The following ERCC8 variants were observed in gnomAD, a reference collection of about 807,000 sequenced individuals.
The protein encoded by ERCC8 is DNA excision repair protein ERCC-8.
In ERCC8, 52 loss-of-function variants were observed where a neutral mutation model predicts 54.9. The ratio of observed to expected loss-of-function variants is 0.95; its 90% CI spans 0.76 to 1.19. ERCC8 has a LOEUF of 1.19. Ranked by LOEUF, ERCC8 falls within the 50% of genes most tolerant of loss-of-function variation. ERCC8 has a pLI of 0.00. For synonymous variants in ERCC8, 146 were observed against 157.2 expected (o/e 0.93, Z 0.53); for missense variants, 514 against 466.1 (o/e 1.10, Z -0.95).
chr5:60,919,944 T>C (rs1218014077), intron 3 of ERCC8, among the ~76,000 whole-genome samples: 1 of 151,984 alleles, frequency 6.6e-6, no homozygotes, highest in East Asian at 1.9e-4. Context: ...TGCCTTTTTT[T>C]CTTGGCTGAT....
intron 6 of ERCC8, 128 bp downstream of exon 6, chr5:60,903,520 G>T (rs1380564137): frequency 1.4e-6 from 2 of 1,466,930 alleles, no homozygotes; most frequent in East Asian, 2.5e-5. Flanking sequence ...TTATTTCCCT[G>T]CTGAGTCTCA....
intron 2 of ERCC8, among the ~76,000 whole-genome samples, chr5:60,927,742 C>T (rs1749792331): frequency 6.6e-6 from 1 of 152,080 alleles, no homozygotes; most frequent in African/African-American, 2.4e-5. Context: ...AGTGAGTGCC[C>T]CCCCAGCTGT....
At chr5:60,896,293 C>T (rs1233151891) in intron 9 of ERCC8, among the ~76,000 whole-genome samples, 4 of 152,146 alleles carry the variant, frequency 2.6e-5, no homozygotes, top group African/African-American at 9.7e-5. Context: ...CTCGGCTCAC[C>T]GCAACCTCCA....
In ERCC8 at chr5:60,928,935, T is replaced by A. The variant is rs1211385267; in HGVS notation, c.102A>T (p.Lys34Asn). Residue 34 changes from lysine to asparagine, a missense_variant, in exon 2 of 12, where the codon AAA becomes AAT. Transcript: ENST00000676185. Reference sequence around the variant, plus strand: ...CGTGGATTCTTTCAACATCTCTGTCTTTATTTAATTCCAGTCCCAAAACTC... The same window carrying A: ...CGTGGATTCTTTCAACATCTCTGTCATTATTTAATTCCAGTCCCAAAACTC... Reference protein sequence around the residue: ...TRRVLGLELNKDRDVERIHGG... With the variant: ...TRRVLGLELNNDRDVERIHGG... 1 of 1,604,812 alleles carries A rather than the reference T, an allele frequency of 6.2e-7. No homozygotes were observed. Among genetic ancestry groups the A allele is most frequent in the Non-Finnish European group, 8.5e-7 (1 of 1,172,890 alleles).
At chr5:60,879,549 G>C (rs528580299) in intron 11 of ERCC8, among the ~76,000 whole-genome samples, 2 of 152,300 alleles carry the variant, frequency 1.3e-5, no homozygotes, top group South Asian at 2.1e-4. Flanking sequence ...GAATCTGGGT[G>C]CTCCTGTATT....
chr5:60,944,135 ATC>A (rs4647042), intron 1 of ERCC8, among the ~76,000 whole-genome samples: 3,031 of 152,260 alleles, frequency 0.02, 115 homozygotes, highest in African/African-American at 0.069. Flanking sequence ...AGATCTGGGA[ATC>A]ATTATTCATT....
intron 1 of ERCC8, among the ~76,000 whole-genome samples, chr5:60,936,872 T>C (rs1410916419): frequency 1.3e-5 from 2 of 152,214 alleles, no homozygotes; most frequent in Non-Finnish European, 2.9e-5. Flanking sequence ...ATTACCAGAA[T>C]TGTTTTTCTG....
intron 2 of ERCC8, among the ~76,000 whole-genome samples, chr5:60,924,690 T>C (rs1327223978): frequency 6.6e-6 from 1 of 152,174 alleles, no homozygotes; most frequent in Non-Finnish European, 1.5e-5. Flanking sequence ...CTGGATCTTC[T>C]TTGCCTATGT....
At chr5:60,897,642 C>T (rs1030494388) in intron 9 of ERCC8, among the ~76,000 whole-genome samples, 5 of 152,040 alleles carry the variant, frequency 3.3e-5, no homozygotes, top group African/African-American at 1.2e-4. Flanking sequence ...ATAGCACCTT[C>T]GAAATATATT....
intron 11 of ERCC8, among the ~76,000 whole-genome samples, chr5:60,883,445 A>C (rs1215672872): frequency 1.3e-5 from 2 of 152,180 alleles, no homozygotes; most frequent in African/African-American, 4.8e-5. Flanking sequence ...GTGCTTGAAC[A>C]TATTCATCTA....
chr5:60,898,356 T>C lies in ERCC8; in HGVS notation c.763A>G (p.Ser255Gly). 1 of 1,613,682 alleles carries C rather than the reference T, an allele frequency of 6.2e-7. No homozygotes were observed. The highest frequency in any genetic ancestry group is 1.1e-5 in the South Asian group (1 of 91,072). ...NGKVNGLCFT[S>G]DGLHLLTVGT... The stretch of plus-strand genomic sequence containing the variant: ...ACAGTGAGGAGGTGAAGTCCATCAC[T>C]TGTAAAACATAAGCCATTAACTTTC... Residue 255 changes from serine (S) to glycine (G), a missense_variant, in exon 9 of 12, where the codon AGT (serine) becomes GGT (glycine). Physicochemically the swap from Ser to Gly is moderately conservative, Grantham distance 56. Transcript: ENST00000676185.
chr5:60,887,661 T>A lies in ERCC8; in HGVS notation c.1042-141A>T, dbSNP rs1478686319. The A allele has an allele frequency of 1.0e-5, 7 of 686,364 alleles. No individual in the cohort carries two copies. The African/African-American group carries it at 1.1e-4, about 11-fold the overall frequency. 42.5% of individuals were successfully genotyped at this position (686,364 alleles called of 1,614,324 possible). ...CTCCCTAAAGAAACTAGGCCAATGC[T>A]GTTTTTCCTTTGTTTCTTTGTTAGT... On this transcript the variant is annotated intron_variant, in intron 10 of 11. Transcript: ENST00000676185.
chr5:60,872,772 A>G lies in ERCC8; in HGVS notation c.*1843T>C, dbSNP rs992907777. ...CAGTATGGAGTTTCTGCAAAAAGTT[A>G]AAAATAGAACTACATATGATCCAGC... On this transcript the variant is annotated 3_prime_UTR_variant, in exon 12 of 12. Coordinates refer to ENST00000676185, the MANE Select transcript of ERCC8 (RefSeq NM_000082.4). Among the ~76,000 whole-genome samples the G allele has an allele frequency of 6.6e-6, 1 of 152,354 alleles. No homozygotes were observed. Among genetic ancestry groups the G allele is most frequent in the South Asian group, 2.1e-4 (1 of 4,830 alleles).
intron 1 of ERCC8, among the ~76,000 whole-genome samples, chr5:60,936,763 G>T (rs1750080284): frequency 6.6e-6 from 1 of 152,114 alleles, no homozygotes; most frequent in African/African-American, 2.4e-5. Flanking sequence ...TTTCCATCTT[G>T]ATGTCAGGTA....
intron 2 of ERCC8, 132 bp downstream of exon 2, chr5:60,928,732 C>T (rs1749821387): frequency 3.5e-6 from 2 of 578,824 alleles, no homozygotes; most frequent in Non-Finnish European, 6.2e-6. Flanking sequence ...TTAATAATGC[C>T]AGATTCAAAA....
chr5:60,939,304 C>T (rs1413120890), intron 1 of ERCC8, among the ~76,000 whole-genome samples: 1 of 152,068 alleles, frequency 6.6e-6, no homozygotes, highest in East Asian at 1.9e-4. Flanking sequence ...GTTTCCTCTC[C>T]TCTTCATCTT....
At chr5:60,938,624 G>C (rs1169794548) in intron 1 of ERCC8, among the ~76,000 whole-genome samples, 1 of 152,224 alleles carries the variant, frequency 6.6e-6, no homozygotes, top group Admixed American at 6.5e-5. Flanking sequence ...AAAGTGCTGG[G>C]ATTACAGGCG....
At chr5:60,920,088 G>A (rs1363175767) in intron 3 of ERCC8, among the ~76,000 whole-genome samples, 1 of 151,944 alleles carries the variant, frequency 6.6e-6, no homozygotes, top group Non-Finnish European at 1.5e-5. Flanking sequence ...TCAAAGCTGA[G>A]GAGTTGAGAG....
intron 11 of ERCC8, among the ~76,000 whole-genome samples, chr5:60,878,320 G>C (rs1422096363): frequency 3.3e-5 from 5 of 152,180 alleles, no homozygotes; most frequent in African/African-American, 1.2e-4. Context: ...AGAGATATTG[G>C]TGTAAAATTC....
Sources: gnomAD v4.1 joint callset for allele counts (sites outside exome capture counted in the v4.1 genomes callset) on GRCh38, gnomAD v4.1.1 for gene constraint, MANE v1.5 for transcripts, NCBI Gene and HGNC (gene_info 2026-07-23, HGNC 2026-07-21) for gene names.